The following KDM1B variants were observed in gnomAD, a reference collection of about 807,000 sequenced individuals.
The protein encoded by KDM1B is lysine-specific histone demethylase 2.
A neutral mutation model predicts 107.4 loss-of-function variants in KDM1B; 63 were observed. The ratio of observed to expected loss-of-function variants is 0.59; its 90% confidence interval spans 0.48 to 0.72. KDM1B has a LOEUF of 0.72. Among genes scored for constraint, KDM1B ranks in the 30% least tolerant of loss-of-function variants. The pLI is 0.00. For synonymous variants in KDM1B, 363 were observed against 363.9 expected (o/e 1.00, Z 0.03); for missense variants, 749 against 1,020.8 (o/e 0.73, Z 3.63).
At chr6:18,208,786 A>C (rs918593051) in intron 17 of KDM1B, among the ~76,000 whole-genome samples, 150 of 147,324 alleles carry the variant, frequency 1.0e-3, no homozygotes, top group African/African-American at 3.6e-3. Flanking sequence ...CTGGGACTAC[A>C]GGCACCCGCC....
intron 10 of KDM1B, among the ~76,000 whole-genome samples, chr6:18,193,420 TC>T (rs1229037551): frequency 2.7e-5 from 4 of 147,632 alleles, no homozygotes; most frequent in Non-Finnish European, 6.0e-5. Context: ...GATTCTCCCA[TC>T]TTAGTCTTCT....
Position 18,204,137 on chromosome 6 carries a change from T to TAA in KDM1B, c.1532-1390_1532-1389dup, listed in dbSNP as rs35497071. Among the ~76,000 whole-genome samples, 260 of 147,852 alleles carry TAA rather than the reference T, an allele frequency of 1.8e-3. 1 individual carries two copies. The highest frequency in any genetic ancestry group is 5.7e-3 in the African/African-American group (230 of 40,658). ...TTTTGATGAAAGCCTTGAGCTGTTC[T>TAA]AAAAAAAAAAATATTTGAAGTAACT... is the stretch of plus-strand genomic sequence containing the variant. On this transcript the variant is annotated intron_variant, in intron 14 of 21. Coordinates refer to ENST00000650836, the MANE Select transcript of KDM1B (RefSeq NM_001364614.2). The surrounding 1 kb of genome is among the most constrained non-coding windows in gnomAD (Gnocchi z 4.9).
chr6:18,207,840 A>G (rs1788493950), intron 16 of KDM1B, among the ~76,000 whole-genome samples: 1 of 152,120 alleles, frequency 6.6e-6, no homozygotes, highest in South Asian at 2.1e-4. Flanking sequence ...GTCTCAGTGC[A>G]TTTGTATTGT....
chr6:18,215,234 G>GCAGAGGCCACAGTCTT (rs1789133759), intron 20 of KDM1B, 105 bp downstream of exon 20: 2 of 1,310,794 alleles, frequency 1.5e-6, no homozygotes, highest in South Asian at 2.9e-5. Context: ...AGGAAGGAAG[G>GCAGAGGCCACAGTCTT]CAGAGGCCAC....
chr6:18,180,875 G>T (rs1786421233), intron 7 of KDM1B, among the ~76,000 whole-genome samples: 1 of 152,196 alleles, frequency 6.6e-6, no homozygotes, highest in Non-Finnish European at 1.5e-5. Context: ...CACTCTAGCT[G>T]TGATTTTTAC....
At position 18,215,427 on chromosome 6, in the gene KDM1B, G is replaced by C. The variant is rs118165266; in HGVS notation, c.2232+298G>C. ...GGTTGGTTTCTCCTGGGTCCTCTCT[G>C]TTTGGCTGGTAGATGCTGTCTTCTC... On this transcript the variant is annotated intron_variant, in intron 20 of 21. Coordinates refer to ENST00000650836, the MANE Select transcript of KDM1B (RefSeq NM_001364614.2). 4.5e-3 allele frequency among the ~76,000 whole-genome samples: 688 copies of C among 152,330 alleles called. 11 individuals carry two copies. The highest frequency in any genetic ancestry group is 0.024 in the Admixed American group (360 of 15,306).
chr6:18,165,610 G>A (rs1309918332), intron 5 of KDM1B, among the ~76,000 whole-genome samples: 1 of 152,106 alleles, frequency 6.6e-6, no homozygotes, highest in South Asian at 2.1e-4. Flanking sequence ...ATCTCTTGAG[G>A]TTAGGAGTTC....
At chr6:18,210,465 C>T (rs1356400186) in intron 17 of KDM1B, among the ~76,000 whole-genome samples, 1 of 148,886 alleles carries the variant, frequency 6.7e-6, no homozygotes, top group Non-Finnish European at 1.5e-5. Flanking sequence ...TTGAGCAGTG[C>T]TCCCACCTCA....
intron 20 of KDM1B, among the ~76,000 whole-genome samples, chr6:18,216,790 T>G (rs2151039866): frequency 6.6e-6 from 1 of 152,350 alleles, no homozygotes; most frequent in African/African-American, 2.4e-5. Flanking sequence ...AGCGTTATAA[T>G]TGTTCTATTT....
intron 14 of KDM1B, among the ~76,000 whole-genome samples, chr6:18,202,841 C>T (rs1251667165): frequency 1.3e-5 from 2 of 152,136 alleles, no homozygotes; most frequent in Non-Finnish European, 2.9e-5. Flanking sequence ...CTGTAATCGT[C>T]CTTAGTAAGT....
rs1404503962 is a variant in KDM1B at position 18,205,295 on chromosome 6, G to A, written c.1532-242G>A. Reference sequence around the variant, plus strand: ...ATAGAACTTACATAGCTTTGTTTCCGGTTGTGCACATGTACCCTAAAACTT... The same window carrying A: ...ATAGAACTTACATAGCTTTGTTTCCAGTTGTGCACATGTACCCTAAAACTT... On this transcript the variant is annotated intron_variant, in intron 14 of 21. Transcript: ENST00000650836. The surrounding 1 kb of genome is among the most constrained non-coding windows in gnomAD (Gnocchi z 5.7). Among the ~76,000 whole-genome samples, 1 of 151,918 alleles carries A rather than the reference G, an allele frequency of 6.6e-6. No homozygotes were observed. Among genetic ancestry groups the A allele is most frequent in the African/African-American group, 2.4e-5 (1 of 41,372 alleles).
chr6:18,185,692 A>G (rs1786811025), intron 7 of KDM1B, 80 bp from the exon 8 acceptor site: 5 of 1,206,268 alleles, frequency 4.1e-6, no homozygotes, highest in Non-Finnish European at 6.2e-6. Context: ...GTGAAAAGAG[A>G]TATCTTATTG....
intron 6 of KDM1B, among the ~76,000 whole-genome samples, chr6:18,170,734 C>A (rs12153968): frequency 0.017 from 2,519 of 152,284 alleles, 38 homozygotes; most frequent in Non-Finnish European, 0.024. Context: ...CCTGCCTCAG[C>A]CTCCTAAAGT....
chr6:18,221,692 T>C (rs570898128), intron 21 of KDM1B, among the ~76,000 whole-genome samples: 1 of 152,310 alleles, frequency 6.6e-6, no homozygotes, highest in African/African-American at 2.4e-5. Flanking sequence ...TAAAGAGTGC[T>C]GCGTAGTACT....
At chr6:18,167,935 A>C (rs984436521) in intron 6 of KDM1B, among the ~76,000 whole-genome samples, 1 of 151,780 alleles carries the variant, frequency 6.6e-6, no homozygotes, top group African/African-American at 2.4e-5. Context: ...CTAATTTGTT[A>C]ATTCTTTATA....
rs1016896866 is a variant in KDM1B, at chr6:18,209,375, A to T, written c.1866+1169A>T. 6.6e-6 allele frequency among the ~76,000 whole-genome samples: 1 copy of T among 152,198 alleles called. No homozygotes were observed. Among genetic ancestry groups the T allele is most frequent in the Non-Finnish European group, 1.5e-5 (1 of 68,032 alleles). ...ACTTCAGGTATCTAAAACTTATTTC[A>T]TAGTCCTTGATTTTCATACAGAAGT... On this transcript the variant is annotated intron_variant, in intron 17 of 21. Transcript: ENST00000650836. The surrounding 1 kb of genome is among the most constrained non-coding windows in gnomAD (Gnocchi z 4.3).
chr6:18,161,197 C>T, intron 3 of KDM1B, 130 bp from the exon 4 acceptor site: 1 of 734,872 alleles, frequency 1.4e-6, no homozygotes, highest in South Asian at 1.8e-5. Context: ...GTATTGTCAT[C>T]CCTAACCTAC....
In KDM1B at chr6:18,212,595, C is replaced by A; in HGVS notation, c.1974C>A (p.Ile658=). Residue 658 remains isoleucine (I), a synonymous_variant, in exon 18 of 22, where the codon ATC becomes ATA. Transcript: ENST00000650836. This position sits in a 1 kb window ranked among gnomAD's most constrained non-coding sequence, Gnocchi z 5.2. ...MKAINSLGAG[I]IEKIALQFPY... ...CTATCAACAGCTTAGGCGCAGGCAT[C>A]ATTGAAAAGGTGACTGAAATGACCT... The A allele has an allele frequency of 6.2e-7, 1 of 1,609,218 alleles. No individual in the cohort carries two copies. The highest frequency in any genetic ancestry group is 8.5e-7 in the Non-Finnish European group (1 of 1,175,464).
chr6:18,185,453 C>T (rs1786795223), intron 7 of KDM1B, among the ~76,000 whole-genome samples: 2 of 152,152 alleles, frequency 1.3e-5, no homozygotes, highest in South Asian at 4.1e-4. Context: ...AGGCACCTGC[C>T]ACTATGCCTG....
Sources: gnomAD v4.1 joint callset for allele counts (sites outside exome capture counted in the v4.1 genomes callset) on GRCh38, gnomAD v4.1.1 for gene constraint, Gnocchi (gnomAD v3.1) non-coding constraint, MANE v1.5 for transcripts, NCBI Gene and HGNC (gene_info 2026-07-23, HGNC 2026-07-21) for gene names.